Variants in CPNE2 observed in about 807,000 individuals in gnomAD.
CPNE2 encodes the protein copine 2.
Under a neutral mutation model 69.7 loss-of-function variants are expected in CPNE2, and 42 were observed. That is an observed-to-expected ratio of 0.60 (90% CI 0.47 to 0.78). CPNE2 has a LOEUF of 0.78. Among genes scored for constraint, CPNE2 ranks in the 30% least tolerant of loss-of-function variants. CPNE2 has a pLI of 0.00. For missense variants in CPNE2, 587 were observed against 732.0 expected (o/e 0.80, Z 2.29); for synonymous variants, 294 against 289.8 (o/e 1.01, Z -0.15).
At chr16:57,115,981 C>A (rs752178414) in intron 4 of CPNE2, among the ~76,000 whole-genome samples, 1 of 152,244 alleles carries the variant, frequency 6.6e-6, no homozygotes, top group Non-Finnish European at 1.5e-5. Context: ...CCAGGGCCAC[C>A]CCTGAGACCC....
At chr16:57,116,967 T>G (rs2069723598) in intron 4 of CPNE2, among the ~76,000 whole-genome samples, 1 of 152,120 alleles carries the variant, frequency 6.6e-6, no homozygotes, top group South Asian at 2.1e-4. Flanking sequence ...CATCACTGGC[T>G]GGGCTGGGGT....
At chr16:57,128,952 A>G (rs2069819206) in intron 12 of CPNE2, 1 of 151,370 alleles carries the variant, frequency 6.6e-6, no homozygotes, top group Admixed American at 6.6e-5. Flanking sequence ...AGGTGGGGGC[A>G]CCGTAGGCCT....
In CPNE2 at chr16:57,121,117, G is replaced by A. The variant is rs1191457845; in HGVS notation, c.706G>A (p.Asp236Asn). The A allele has an allele frequency of 1.2e-6, 2 of 1,613,866 alleles. No homozygotes were observed. Among genetic ancestry groups the A allele is most frequent in the East Asian group, 2.2e-5 (1 of 44,888 alleles). ...IQVMCYDYDN[D>N]GGHDFIGEFQ... ...GGTCATGTGCTACGACTATGACAAT[G>A]ACGGGGGCCATGACTTCATCGGCGA... The change falls in exon 8 of 16, where the codon GAC becomes AAC. Residue 236 changes from aspartate to asparagine, a missense_variant. By Grantham distance (23) the Asp-to-Asn change is conservative. Coordinates refer to ENST00000290776, the MANE Select transcript of CPNE2 (RefSeq NM_152727.6).
In CPNE2 at chr16:57,110,829, A is replaced by G. The variant is rs1419555278; in HGVS notation, c.87A>G (p.Ser29=). The part of the protein sequence containing the change: ...PQYCVCKVEL[S]VSGQNLLDRD... ...ATTGCGTGTGCAAGGTGGAGCTGTC[A>G]GTGAGTGGCCAGAACCTACTGGACC... Residue 29 remains serine (S), a synonymous_variant, in exon 2 of 16, where the codon TCA becomes TCG. Transcript: ENST00000290776. The G allele has an allele frequency of 6.2e-7, 1 of 1,614,012 alleles. No individual in the cohort carries two copies. Among genetic ancestry groups the G allele is most frequent in the African/African-American group, 1.3e-5 (1 of 75,052 alleles).
chr16:57,105,273 AG>A (rs1453158041), intron 1 of CPNE2, among the ~76,000 whole-genome samples: 1 of 152,142 alleles, frequency 6.6e-6, no homozygotes, highest in Non-Finnish European at 1.5e-5. Flanking sequence ...TGAAGATAAA[AG>A]GAGATTAAGG....
intron 10 of CPNE2, chr16:57,123,838 T>C (rs750118622): frequency 1.3e-5 from 4 of 304,866 alleles, no homozygotes; most frequent in Admixed American, 4.5e-5. Context: ...CTAACCACAC[T>C]CTTCCTCTGT....
chr16:57,123,074 A>G (rs1035448490), intron 9 of CPNE2, among the ~76,000 whole-genome samples: 1 of 152,204 alleles, frequency 6.6e-6, no homozygotes, highest in Admixed American at 6.5e-5. Flanking sequence ...TTAAAAAGGT[A>G]GATTAATAAG....
chr16:57,140,664 A>C (rs1355133976), intron 14 of CPNE2, among the ~76,000 whole-genome samples: 1 of 151,952 alleles, frequency 6.6e-6, no homozygotes, highest in Non-Finnish European at 1.5e-5. Flanking sequence ...TCCTGGGTTC[A>C]AGCAATTCTC....
chr16:57,113,505 A>G, intron 3 of CPNE2, 38 bp downstream of exon 3: 1 of 1,592,854 alleles, frequency 6.3e-7, no homozygotes, highest in Non-Finnish European at 8.6e-7. Context: ...AGGGGCCCAA[A>G]GACCGGGCAA....
intron 1 of CPNE2, chr16:57,093,914 G>A (rs1308727524): frequency 5.3e-6 from 2 of 377,402 alleles, no homozygotes; most frequent in East Asian, 1.6e-4. Flanking sequence ...GGGAGGCCTG[G>A]GAGACCTGGG....
chr16:57,097,406 A>G (rs2069584514), intron 1 of CPNE2, among the ~76,000 whole-genome samples: 1 of 152,164 alleles, frequency 6.6e-6, no homozygotes, highest in African/African-American at 2.4e-5. Flanking sequence ...GGATGGCTGC[A>G]TGGTGAGGGA....
intron 14 of CPNE2, chr16:57,144,646 T>G (rs1490496056): frequency 1.3e-5 from 2 of 152,258 alleles, no homozygotes; most frequent in African/African-American, 4.8e-5. Context: ...AGGACAGAGC[T>G]GAGCTGAAAA....
intron 1 of CPNE2, 24 bp from the exon 2 acceptor site, chr16:57,110,684 T>A: frequency 6.9e-7 from 1 of 1,441,466 alleles, no homozygotes; most frequent in Non-Finnish European, 9.2e-7. Context: ...GTCCACTCTC[T>A]GACCCTCACT....
intron 1 of CPNE2, among the ~76,000 whole-genome samples, chr16:57,102,169 CTT>C (rs2069618743): frequency 6.6e-6 from 1 of 151,978 alleles, no homozygotes; most frequent in South Asian, 2.1e-4. Flanking sequence ...CCCAGCTGGG[CTT>C]AAATTCCTGA....
intron 1 of CPNE2, chr16:57,094,235 C>T (rs2069563947): frequency 2.7e-6 from 1 of 374,024 alleles, no homozygotes; most frequent in Non-Finnish European, 5.4e-6. Context: ...CTTGTCACCC[C>T]TTGGACTTGG....
At chr16:57,097,267 C>G (rs1299814019) in intron 1 of CPNE2, among the ~76,000 whole-genome samples, 4 of 152,178 alleles carry the variant, frequency 2.6e-5, no homozygotes, top group Non-Finnish European at 5.9e-5. Context: ...CCTCTCTGTT[C>G]CCCCAACTCC....
intron 14 of CPNE2, 48 bp downstream of exon 14, chr16:57,137,330 T>G: frequency 6.2e-7 from 1 of 1,606,974 alleles, no homozygotes. Context: ...ACGCACGTCC[T>G]CTGGGCTGGG....
Position 57,146,032 on chromosome 16 carries a change from G to GGGGT in CPNE2, c.1303-51_1303-48dup. On this transcript the variant is annotated intron_variant, in intron 14 of 15. Transcript: ENST00000290776. This position sits in a 1 kb window ranked among gnomAD's most constrained non-coding sequence, Gnocchi z 4.4. Reference sequence around the variant, plus strand: ...TTTGGGATGAAGGAGGGAGGGAGAAGGGGTGCCAGAGCCTCGACCTTGCTG... The same window carrying GGGGT: ...TTTGGGATGAAGGAGGGAGGGAGAAGGGGTGGGTGCCAGAGCCTCGACCTTGCTG... 6.9e-7 allele frequency: 1 copy of GGGGT among 1,453,930 alleles called. No individual in the cohort carries two copies. Among genetic ancestry groups the GGGGT allele is most frequent in the Non-Finnish European group, 9.5e-7 (1 of 1,048,998 alleles). 90.1% of individuals were successfully genotyped at this position (1,453,930 alleles called of 1,614,324 possible).
intron 14 of CPNE2, among the ~76,000 whole-genome samples, chr16:57,139,770 G>C (rs2069908041): frequency 6.6e-6 from 1 of 152,170 alleles, no homozygotes; most frequent in Non-Finnish European, 1.5e-5. Context: ...AGAATCTGTG[G>C]GAAAAATGGG....
Sources: allele counts gnomAD v4.1 joint callset (sites outside exome capture counted in the v4.1 genomes callset), GRCh38; gene constraint gnomAD v4.1.1; non-coding constraint Gnocchi (gnomAD v3.1); transcripts MANE v1.5; gene names NCBI Gene and HGNC (gene_info 2026-07-23, HGNC 2026-07-21).